TNS3: variants seen among roughly 807,000 people sequenced by gnomAD.
The protein encoded by TNS3 is tensin-3.
TNS3 carries 45 observed loss-of-function variants against 140.9 expected under a neutral mutation model. The ratio of observed to expected loss-of-function variants is 0.32; its 90% CI spans 0.25 to 0.41. The LOEUF (loss-of-function observed/expected upper bound fraction) is 0.41. Among genes scored for constraint, TNS3 ranks in the 10% least tolerant of loss-of-function variants. The probability of loss-of-function intolerance (pLI) is 1.00; values close to 1 mark genes in which losing one functional copy is unlikely to be tolerated. For missense variants in TNS3, 1,716 were observed against 1,906.7 expected (o/e 0.90, Z 1.86); for synonymous variants, 815 against 788.4 (o/e 1.03, Z -0.56).
Position 47,368,689 on chromosome 7 carries a change from G to A in TNS3, c.1957C>T (p.Pro653Ser), listed in dbSNP as rs542060079. ...VQRGVGSGPH[P>S]PDTQQPSPSK... ...GGAGAGGGCTGCTGTGTGTCAGGGGGATGTGGCCCACTGCCTACACCCCTC... is the reference window on the plus strand; with the variant it reads ...GGAGAGGGCTGCTGTGTGTCAGGGGAATGTGGCCCACTGCCTACACCCCTC... The change falls in exon 17 of 31, where the codon CCC (proline) becomes TCC (serine). Residue 653 changes from proline to serine, a missense_variant. Physicochemically the swap from Pro to Ser is moderately conservative, Grantham distance 74. Coordinates refer to ENST00000311160, the MANE Select transcript of TNS3 (RefSeq NM_022748.12). 144 of 1,592,360 alleles carry A rather than the reference G, an allele frequency of 9.0e-5. No homozygotes were observed. Among genetic ancestry groups the A allele is most frequent in the Non-Finnish European group, 1.2e-4 (136 of 1,170,292 alleles).
At chr7:47,412,830 G>A (rs553425164) in intron 12 of TNS3, among the ~76,000 whole-genome samples, 3 of 152,226 alleles carry the variant, frequency 2.0e-5, no homozygotes, top group Admixed American at 1.3e-4. Flanking sequence ...ACAATACATT[G>A]TAACAACTAT....
chr7:47,314,913 G>A (rs1327291835), intron 20 of TNS3, among the ~76,000 whole-genome samples: 5 of 152,244 alleles, frequency 3.3e-5, no homozygotes, highest in East Asian at 1.9e-4. Context: ...ACCACAGTGA[G>A]CATAATGGTC....
intron 15 of TNS3, among the ~76,000 whole-genome samples, chr7:47,397,105 C>T (rs773271145): frequency 1.3e-5 from 2 of 151,886 alleles, no homozygotes; most frequent in Non-Finnish European, 2.9e-5. Flanking sequence ...GTTAAAGCCA[C>T]GAGGGGGAAG....
rs372117257 is a variant in TNS3 at position 47,280,359 on chromosome 7, T to C, written c.4098-5A>G. 3 of 1,613,950 alleles carry C rather than the reference T, an allele frequency of 1.9e-6. No homozygotes were observed. Among genetic ancestry groups the C allele is most frequent in the Admixed American group, 1.7e-5 (1 of 59,996 alleles). On this transcript the variant is annotated splice_polypyrimidine_tract_variant and splice_region_variant and intron_variant, in intron 28 of 30. Transcript: ENST00000311160. ...TAATGCCTCCGGAAGAAGAGCCTGT[T>C]GGGACATGGGGGAGAGAGGATGGCT...
In TNS3 at chr7:47,303,071, G is replaced by T; in HGVS notation, c.3336C>A (p.Gly1112=). 1 of 1,614,216 alleles carries T rather than the reference G, an allele frequency of 6.2e-7. No homozygotes were observed. The highest frequency in any genetic ancestry group is 8.5e-7 in the Non-Finnish European group (1 of 1,180,026). Reference sequence around the variant, plus strand: ...AGCCACTGGAGGAGGGAGAGACTGAGCCCAAAGAACGATCCCCCTCCGAGG... The same window carrying T: ...AGCCACTGGAGGAGGGAGAGACTGATCCCAAAGAACGATCCCCCTCCGAGG... The part of the protein sequence containing the change: ...KRASEGDRSL[G]SVSPSSSGFS... The change falls in exon 22 of 31, where the codon GGC becomes GGA. Residue 1112 remains glycine, a synonymous_variant. Coordinates refer to ENST00000311160, the MANE Select transcript of TNS3 (RefSeq NM_022748.12).
chr7:47,301,232 T>C (rs1786382412), intron 23 of TNS3, among the ~76,000 whole-genome samples: 1 of 152,084 alleles, frequency 6.6e-6, no homozygotes, highest in South Asian at 2.1e-4. Context: ...CACTCCAGCC[T>C]CCACCAGGTG....
At chr7:47,315,017 A>C (rs1237849486) in intron 20 of TNS3, among the ~76,000 whole-genome samples, 1 of 152,184 alleles carries the variant, frequency 6.6e-6, no homozygotes, top group Non-Finnish European at 1.5e-5. Context: ...CTCCCCTATG[A>C]AGATGTGTTT....
intron 16 of TNS3, among the ~76,000 whole-genome samples, chr7:47,387,781 C>T (rs1792159198): frequency 6.6e-6 from 1 of 152,232 alleles, no homozygotes; most frequent in Admixed American, 6.5e-5. Context: ...ACAAGTTCTA[C>T]TCTTCCAGCC....
Position 47,467,268 on chromosome 7 carries a change from A to G in TNS3, c.-76+13835T>C, listed in dbSNP as rs959654857. Among the ~76,000 whole-genome samples, 3 of 152,240 alleles carry G rather than the reference A, an allele frequency of 2.0e-5. No homozygotes were observed. In the South Asian group the frequency reaches 6.2e-4, roughly 31 times the overall value. On this transcript the variant is annotated intron_variant, in intron 4 of 30. Coordinates refer to ENST00000311160, the MANE Select transcript of TNS3 (RefSeq NM_022748.12). ...GGGATGGGGAGTGCTAGTGGTCATC[A>G]CGCTGGGAAACGAAGTGTTAGTTAA...
At chr7:47,313,743 T>C (rs557283437) in intron 20 of TNS3, among the ~76,000 whole-genome samples, 240 of 152,280 alleles carry the variant, frequency 1.6e-3, no homozygotes, top group African/African-American at 5.5e-3. Context: ...CCATGGCGCC[T>C]GGGAATTTCA....
At chr7:47,379,639 G>A (rs1053591331) in intron 16 of TNS3, among the ~76,000 whole-genome samples, 33 of 152,102 alleles carry the variant, frequency 2.2e-4, no homozygotes, top group Admixed American at 1.5e-3. Flanking sequence ...ACTCTACTCT[G>A]TAGGGACAAC....
chr7:47,295,798 G>A (rs1453112331), intron 24 of TNS3, among the ~76,000 whole-genome samples: 1 of 152,096 alleles, frequency 6.6e-6, no homozygotes, highest in Non-Finnish European at 1.5e-5. Flanking sequence ...TGGACCTCCT[G>A]GCAGCCAAAT....
chr7:47,570,632 C>T (rs1256170903), intron 1 of TNS3, among the ~76,000 whole-genome samples: 1 of 152,230 alleles, frequency 6.6e-6, no homozygotes, highest in Admixed American at 6.5e-5. Flanking sequence ...TAAGCAATCA[C>T]TTCTAGAATG....
At chr7:47,429,977 T>G (rs143564916) in intron 8 of TNS3, among the ~76,000 whole-genome samples, 1 of 152,138 alleles carries the variant, frequency 6.6e-6, no homozygotes, top group Non-Finnish European at 1.5e-5. Flanking sequence ...ACCTCTTGCA[T>G]AAAACTATAT....
intron 4 of TNS3, among the ~76,000 whole-genome samples, chr7:47,455,831 A>C (rs1796223116): frequency 6.6e-6 from 1 of 152,188 alleles, no homozygotes; most frequent in African/African-American, 2.4e-5. Flanking sequence ...AGCATCTGAT[A>C]CAAAGTGGGC....
chr7:47,528,922 G>A (rs768407363), intron 2 of TNS3, 114 bp downstream of exon 2: 10 of 530,052 alleles, frequency 1.9e-5, no homozygotes, highest in Non-Finnish European at 2.9e-5. Context: ...TATAAACTAA[G>A]AAGGGGAATT....
intron 16 of TNS3, among the ~76,000 whole-genome samples, chr7:47,380,541 C>T (rs1045855328): frequency 6.6e-6 from 1 of 152,218 alleles, no homozygotes; most frequent in African/African-American, 2.4e-5. Context: ...TCCTGAGCGA[C>T]ATTCCTTCTT....
chr7:47,395,682 C>T (rs1453560417), intron 16 of TNS3, among the ~76,000 whole-genome samples: 1 of 152,220 alleles, frequency 6.6e-6, no homozygotes, highest in African/African-American at 2.4e-5. Flanking sequence ...GCAAAGAACA[C>T]TCTGTTTACT....
At position 47,361,253 on chromosome 7, in the gene TNS3, G is replaced by C. The variant is rs533047819; in HGVS notation, c.2281+7112C>G. On this transcript the variant is annotated intron_variant, in intron 17 of 30. Transcript: ENST00000311160. ...GCAAGGGCCCAGCCCAAGACCCCAA[G>C]GCTCGCCTCTGCCCTCAGGGAAGAG... is the stretch of plus-strand genomic sequence containing the variant. Among the ~76,000 whole-genome samples the C allele has an allele frequency of 2.1e-4, 27 of 129,938 alleles. No individual in the cohort carries two copies. In the South Asian group the frequency reaches 3.0e-3, roughly 15 times the overall value. The allele number at this position is 129,938 out of a possible 152,430, so 85.2% of individuals were successfully genotyped here.
Sources: allele counts gnomAD v4.1 joint callset (sites outside exome capture counted in the v4.1 genomes callset), GRCh38; gene constraint gnomAD v4.1.1; transcripts MANE v1.5; gene names NCBI Gene and HGNC (gene_info 2026-07-23, HGNC 2026-07-21).